SMG5: variants seen among roughly 807,000 people sequenced by gnomAD.
The protein encoded by SMG5 is SMG5 nonsense mediated mRNA decay factor, also known as nonsense-mediated mRNA decay factor SMG5.
SMG5 carries 53 observed loss-of-function variants against 122.9 expected under a neutral mutation model. The ratio of observed to expected loss-of-function variants is 0.43; its 90% CI spans 0.35 to 0.54. The LOEUF is 0.54. Ranked by LOEUF, SMG5 falls within the 20% of genes least tolerant of loss-of-function variation. The pLI is 0.01. For missense variants in SMG5, 1,153 were observed against 1,285.6 expected (o/e 0.90, Z 1.58); for synonymous variants, 477 against 490.2 (o/e 0.97, Z 0.35).
chr1:156,290,978 T>G, the SMG5 span: 7 of 194,008 alleles, frequency 3.6e-5, no homozygotes, highest in Admixed American at 5.3e-5. Context: ...TGCTCAAACA[T>G]TTTAAAGTTT....
chr1:156,282,944 T>C (rs1259931827), upstream of SMG5: 1 of 539,788 alleles, frequency 1.9e-6, no homozygotes, highest in Admixed American at 3.4e-5. Flanking sequence ...CAGAACTAAC[T>C]CTGGGCAGCA....
intron 5 of SMG5, among the ~76,000 whole-genome samples, chr1:156,273,714 T>C (rs1480338473): frequency 7.3e-6 from 1 of 137,228 alleles, no homozygotes; most frequent in Non-Finnish European, 1.6e-5. Flanking sequence ...TTTTGTTTTG[T>C]TTTCTTTTTT....
chr1:156,271,566 G>GTTTTTTTTTTTT (rs755111375), intron 7 of SMG5, among the ~76,000 whole-genome samples: 1 of 82,310 alleles, frequency 1.2e-5, no homozygotes, highest in Non-Finnish European at 2.2e-5. Flanking sequence ...CCCTGAAGAG[G>GTTTTTTTTTTTT]TTTTTTTTTT....
Position 156,278,068 on chromosome 1 carries a change from A to G in SMG5, c.174-20T>C, listed in dbSNP as rs1205492388. 3 of 1,613,016 alleles carry G rather than the reference A, an allele frequency of 1.9e-6. No individual in the cohort carries two copies. The highest frequency in any genetic ancestry group is 2.2e-5 in the East Asian group (1 of 44,848). On this transcript the variant is annotated intron_variant, in intron 2 of 21. Coordinates refer to ENST00000361813, the MANE Select transcript of SMG5 (RefSeq NM_015327.3). ...CGCAGCCTGGAGGGTGTAGAGGAGC[A>G]TGAGAGAGACAGCCCATCCCTTGGA...
chr1:156,262,785 A>G (rs1391577330), intron 13 of SMG5, among the ~76,000 whole-genome samples: 1 of 152,240 alleles, frequency 6.6e-6, no homozygotes. Flanking sequence ...GGGGCGACCC[A>G]CAGGGAAGAA....
At chr1:156,273,019 T>C (rs1366805575) in intron 6 of SMG5, among the ~76,000 whole-genome samples, 1 of 152,198 alleles carries the variant, frequency 6.6e-6, no homozygotes, top group African/African-American at 2.4e-5. Flanking sequence ...CACTGAATGC[T>C]TGTTCCTACA....
intron 13 of SMG5, among the ~76,000 whole-genome samples, chr1:156,262,476 A>AG (rs1661897835): frequency 7.3e-6 from 1 of 136,420 alleles, no homozygotes; most frequent in African/African-American, 2.9e-5. Context: ...ACTCCATCTC[A>AG]GAAAAAAAAA....
Position 156,250,390 on chromosome 1 carries a change from A to C in SMG5, c.*197T>G, listed in dbSNP as rs1661291462. The C allele has an allele frequency of 9.9e-6, 6 of 604,126 alleles. No homozygotes were observed. Among genetic ancestry groups the C allele is most frequent in the African/African-American group, 7.4e-5 (4 of 54,072 alleles). The allele number at this position is 604,126 out of a possible 1,614,324, so 37.4% of individuals were successfully genotyped here. A position where few individuals can be genotyped will look rare whatever the true frequency, so the allele number is the denominator to read the frequency against. The stretch of plus-strand genomic sequence containing the variant: ...TCCAAGCACTTTCCTCGCTTTCCTA[A>C]CGTCTTGGCAACAAAGGGACCCCAC... On this transcript the variant is annotated 3_prime_UTR_variant, in exon 22 of 22. Transcript: ENST00000361813.
At chr1:156,291,473 A>T in the SMG5 span, 3 of 1,613,122 alleles carry the variant, frequency 1.9e-6, no homozygotes, top group African/African-American at 4.0e-5. Context: ...GTCGATGCTG[A>T]TGTGGAACCT....
intron 18 of SMG5, 151 bp from the exon 19 acceptor site, chr1:156,252,655 C>T: frequency 2.5e-6 from 2 of 809,626 alleles, no homozygotes; most frequent in South Asian, 3.6e-5. Flanking sequence ...TCTCTGAAAA[C>T]ATGACCTTCT....
At chr1:156,258,255 G>T (rs1449579870) in intron 16 of SMG5, among the ~76,000 whole-genome samples, 4 of 152,182 alleles carry the variant, frequency 2.6e-5, no homozygotes, top group Admixed American at 2.6e-4. Flanking sequence ...GAATGAAAGG[G>T]AACAGAGGGA....
At chr1:156,279,165 G>T in intron 1 of SMG5, 131 bp from the exon 2 acceptor site, 1 of 759,926 alleles carries the variant, frequency 1.3e-6, no homozygotes, top group Non-Finnish European at 2.3e-6. Flanking sequence ...TGCAGGCTGA[G>T]CTCTGTACAA....
upstream of SMG5, chr1:156,285,724 C>G: frequency 6.2e-7 from 1 of 1,613,230 alleles, no homozygotes; most frequent in African/African-American, 1.3e-5. Flanking sequence ...GGGTCACCCA[C>G]CCCGACCCCA....
At chr1:156,274,506 C>A (rs967617579) in intron 5 of SMG5, 91 bp downstream of exon 5, 1 of 1,175,288 alleles carries the variant, frequency 8.5e-7, no homozygotes, top group Non-Finnish European at 1.3e-6. Context: ...CTCCTGCTCT[C>A]CAACCATGTA....
rs752733587 is a variant in SMG5, at chr1:156,263,548, C to T, written c.1878G>A (p.Ser626=). The T allele has an allele frequency of 9.3e-6, 15 of 1,613,814 alleles. No homozygotes were observed. Among genetic ancestry groups the T allele is most frequent in the East Asian group, 8.9e-5 (4 of 44,894 alleles). The change falls in exon 13 of 22, where the codon TCG becomes TCA. Residue 626 remains serine (S), a synonymous_variant. Transcript: ENST00000361813. ...SEPASEEGSE[S]EGSESSGRSC... ...AGCGTCCACTGGACTCACTCCCCTC[C>T]GACTCAGAGCCCTCCTCAGAGGCTG... is the stretch of plus-strand genomic sequence containing the variant.
chr1:156,274,495 C>T, intron 5 of SMG5, 102 bp downstream of exon 5: 1 of 1,031,252 alleles, frequency 9.7e-7, no homozygotes, highest in Non-Finnish European at 1.5e-6. Context: ...CCAAACTATC[C>T]CTCCTGCTCT....
At chr1:156,267,109 C>T (rs1447480849) in intron 10 of SMG5, among the ~76,000 whole-genome samples, 1 of 152,216 alleles carries the variant, frequency 6.6e-6, no homozygotes, top group African/African-American at 2.4e-5. Flanking sequence ...GCTCTACATA[C>T]ACTTCTGCCA....
At position 156,271,566 on chromosome 1, in the gene SMG5, GTTT is replaced by G. The variant is rs755111375; in HGVS notation, c.713+751_713+753del. The stretch of plus-strand genomic sequence containing the variant: ...AATCAATTTTGGGTGCCCTGAAGAG[GTTT>G]TTTTTTTTTTTTTTTTTTTTTTGAG... On this transcript the variant is annotated intron_variant, in intron 7 of 21. Coordinates refer to ENST00000361813, the MANE Select transcript of SMG5 (RefSeq NM_015327.3). 8.6e-3 allele frequency among the ~76,000 whole-genome samples: 710 copies of G among 82,198 alleles called. 1 individual carries two copies. Among genetic ancestry groups the G allele is most frequent in the African/African-American group, 0.013 (284 of 21,344 alleles). 53.9% of individuals were successfully genotyped at this position (82,198 alleles called of 152,430 possible). A position where few individuals can be genotyped will look rare whatever the true frequency, so the allele number is the denominator to read the frequency against.
At chr1:156,254,534 C>G (rs978826990) in intron 16 of SMG5, among the ~76,000 whole-genome samples, 2 of 152,156 alleles carry the variant, frequency 1.3e-5, no homozygotes, top group Non-Finnish European at 2.9e-5. Context: ...ACCTCTGCCT[C>G]CCGGGCTCAA....
Sources: allele counts gnomAD v4.1 joint callset (sites outside exome capture counted in the v4.1 genomes callset), GRCh38; gene constraint gnomAD v4.1.1; transcripts MANE v1.5; gene names NCBI Gene and HGNC (gene_info 2026-07-23, HGNC 2026-07-21).